Variants in NLGN1 observed in about 807,000 individuals in gnomAD.
NLGN1 encodes the protein neuroligin-1.
A neutral mutation model predicts 65.5 loss-of-function variants in NLGN1; 12 were observed. That is an observed-to-expected ratio of 0.18 (90% CI 0.12 to 0.30). NLGN1 has a LOEUF of 0.30. Ranked by LOEUF, NLGN1 falls within the 10% of genes least tolerant of loss-of-function variation. The pLI, the probability that NLGN1 is intolerant of heterozygous loss-of-function variation, is 1.00. For synonymous variants in NLGN1, 350 were observed against 359.5 expected (o/e 0.97, Z 0.30); for missense variants, 750 against 1,007.1 (o/e 0.74, Z 3.46).
chr3:173,678,139 G>T (rs1763424190), intron 3 of NLGN1, among the ~76,000 whole-genome samples: 3 of 152,046 alleles, frequency 2.0e-5, no homozygotes, highest in African/African-American at 7.2e-5. Context: ...TAGTCAACCT[G>T]AGCGTCCACA....
intron 4 of NLGN1, among the ~76,000 whole-genome samples, chr3:173,824,390 T>C (rs1720914357): frequency 6.6e-6 from 1 of 152,134 alleles, no homozygotes; most frequent in South Asian, 2.1e-4. Context: ...TTTATTAAAA[T>C]TGAATAACAT....
chr3:174,191,900 T>C (rs1318496836), intron 4 of NLGN1, among the ~76,000 whole-genome samples: 1 of 152,186 alleles, frequency 6.6e-6, no homozygotes, highest in Admixed American at 6.6e-5. Flanking sequence ...GAAATTTACT[T>C]TAAGTAGGTT....
At chr3:174,106,445 CTCT>C (rs1561055772) in intron 4 of NLGN1, among the ~76,000 whole-genome samples, 1 of 152,030 alleles carries the variant, frequency 6.6e-6, no homozygotes, top group Non-Finnish European at 1.5e-5. Context: ...AAAAAATATT[CTCT>C]TCTTGTCTTT....
intron 4 of NLGN1, among the ~76,000 whole-genome samples, chr3:174,275,080 T>C (rs911024350): frequency 6.6e-6 from 1 of 151,894 alleles, no homozygotes; most frequent in African/African-American, 2.4e-5. Flanking sequence ...CCCTGTTATC[T>C]GTTACCTGGA....
At chr3:173,528,021 C>G in intron 2 of NLGN1, among the ~76,000 whole-genome samples, 1 of 152,162 alleles carries the variant, frequency 6.6e-6, no homozygotes, top group East Asian at 1.9e-4. Flanking sequence ...TTTGAAGTCT[C>G]AATTGTGTAA....
intron 3 of NLGN1, among the ~76,000 whole-genome samples, chr3:173,606,609 C>A (rs1186774808): frequency 2.0e-5 from 3 of 151,986 alleles, no homozygotes; most frequent in African/African-American, 7.2e-5. Flanking sequence ...CTAAACTGTT[C>A]TGTTCTACTG....
chr3:174,180,527 T>C (rs1370255986), intron 4 of NLGN1, among the ~76,000 whole-genome samples: 1 of 152,202 alleles, frequency 6.6e-6, no homozygotes, highest in Admixed American at 6.6e-5. Context: ...TGCTAGTCTC[T>C]TCTCTCTTAA....
chr3:173,705,651 G>C (rs1238440407), intron 3 of NLGN1, among the ~76,000 whole-genome samples: 1 of 152,068 alleles, frequency 6.6e-6, no homozygotes, highest in African/African-American at 2.4e-5. Flanking sequence ...ACCTTAGCAG[G>C]TCGAAAGTTT....
At chr3:173,591,303 C>CAACT (rs1356134538) in intron 2 of NLGN1, among the ~76,000 whole-genome samples, 1 of 152,014 alleles carries the variant, frequency 6.6e-6, no homozygotes, top group East Asian at 1.9e-4. Context: ...AGTACTAATG[C>CAACT]AACTTTTATA....
intron 4 of NLGN1, among the ~76,000 whole-genome samples, chr3:173,850,059 A>C (rs1726594071): frequency 6.6e-6 from 1 of 152,184 alleles, no homozygotes; most frequent in Non-Finnish European, 1.5e-5. Context: ...ATAATACAGA[A>C]AAATATAGAG....
intron 4 of NLGN1, among the ~76,000 whole-genome samples, chr3:174,138,986 G>A (rs564009918): frequency 1.1e-4 from 17 of 152,068 alleles, no homozygotes; most frequent in Non-Finnish European, 2.4e-4. Context: ...TATAATCATG[G>A]CTAAAGAATA....
chr3:173,481,207 G>A (rs1451791437), intron 2 of NLGN1, among the ~76,000 whole-genome samples: 3 of 151,790 alleles, frequency 2.0e-5, no homozygotes, highest in African/African-American at 7.3e-5. Context: ...CAGGGTTAAA[G>A]GTTTTTGTCA....
rs746068968 is a variant in NLGN1, at chr3:173,627,401, T to TAC, written c.493+22324_493+22325dup. On this transcript the variant is annotated intron_variant, in intron 3 of 6. Transcript: ENST00000457714. Reference sequence around the variant, plus strand: ...CGGAATTTCCTTCTTTTTTTTCCATTACACACACACACACATCACTTTCTT... The same window carrying TAC: ...CGGAATTTCCTTCTTTTTTTTCCATTACACACACACACACACATCACTTTCTT... Among the ~76,000 whole-genome samples the TAC allele has an allele frequency of 2.8e-3, 424 of 151,664 alleles. 3 individuals carry two copies. Among genetic ancestry groups the TAC allele is most frequent in the Middle Eastern group, 0.01 (3 of 292 alleles).
Position 173,715,911 on chromosome 3 carries a change from A to G in NLGN1, c.494-91769A>G, listed in dbSNP as rs1362751678. On this transcript the variant is annotated intron_variant, in intron 3 of 6. Transcript: ENST00000457714. The stretch of plus-strand genomic sequence containing the variant: ...TGAAAAAAAAAATTTCATTATTTAG[A>G]TTTTGATTAATGTATTTCAATTCTT... 3.3e-5 allele frequency among the ~76,000 whole-genome samples: 5 copies of G among 152,230 alleles called. No individual in the cohort carries two copies. In the East Asian group the frequency reaches 9.7e-4, roughly 29 times the overall value.
chr3:173,498,845 A>G lies in NLGN1; in HGVS notation c.-321+63767A>G, dbSNP rs565169447. ...TTTCATGTGTCTGTTGGCTGCATAA[A>G]TATCTTCTTTTGAGAAGTGTCTGTT... On this transcript the variant is annotated intron_variant, in intron 2 of 6. Transcript: ENST00000457714. 9.9e-5 allele frequency among the ~76,000 whole-genome samples: 15 copies of G among 151,976 alleles called. No homozygotes were observed. In the Middle Eastern group the frequency reaches 0.017, roughly 172 times the overall value.
At chr3:173,500,446 C>T (rs949217705) in intron 2 of NLGN1, among the ~76,000 whole-genome samples, 1 of 152,056 alleles carries the variant, frequency 6.6e-6, no homozygotes, top group Non-Finnish European at 1.5e-5. Context: ...TTGCTGGATT[C>T]GGTTTGCCAG....
At chr3:173,529,085 T>A (rs1736117375) in intron 2 of NLGN1, among the ~76,000 whole-genome samples, 1 of 152,220 alleles carries the variant, frequency 6.6e-6, no homozygotes, top group African/African-American at 2.4e-5. Flanking sequence ...TTGAAGTTAC[T>A]TTTGTTTGGA....
At chr3:173,712,661 A>AG (rs1769171538) in intron 3 of NLGN1, among the ~76,000 whole-genome samples, 1 of 152,192 alleles carries the variant, frequency 6.6e-6, no homozygotes, top group Non-Finnish European at 1.5e-5. Flanking sequence ...AGTAGTGCCT[A>AG]GGAGACATTA....
intron 2 of NLGN1, among the ~76,000 whole-genome samples, chr3:173,565,700 T>C (rs980880519): frequency 2.0e-5 from 3 of 152,154 alleles, no homozygotes; most frequent in African/African-American, 7.2e-5. Context: ...TTCCTAGTTA[T>C]ATGTATTACC....
Sources: gnomAD v4.1 joint callset for allele counts (sites outside exome capture counted in the v4.1 genomes callset) on GRCh38, gnomAD v4.1.1 for gene constraint, MANE v1.5 for transcripts, NCBI Gene and HGNC (gene_info 2026-07-23, HGNC 2026-07-21) for gene names.